Variants in CACNA2D4 observed in about 807,000 individuals in gnomAD.
The protein encoded by CACNA2D4 is calcium voltage-gated channel auxiliary subunit alpha2delta 4.
A neutral mutation model predicts 163.8 loss-of-function variants in CACNA2D4; 157 were observed. That is an observed-to-expected ratio of 0.96 (90% CI 0.84 to 1.09). The LOEUF (loss-of-function observed/expected upper bound fraction) is 1.09, where lower values mean the gene tolerates loss of function less well. Among genes scored for constraint, CACNA2D4 ranks in the 50% least tolerant of loss-of-function variants. The pLI is 0.00. For missense variants in CACNA2D4, 1,410 were observed against 1,479.9 expected, an observed-to-expected ratio of 0.95 and a Z score of 0.78; for synonymous variants, 598 against 586.9, an observed-to-expected ratio of 1.02 and a Z score of -0.27.
chr12:1,840,058 A>G (rs977008758), intron 26 of CACNA2D4, among the ~76,000 whole-genome samples: 6 of 152,214 alleles, frequency 3.9e-5, no homozygotes, highest in African/African-American at 1.4e-4. Flanking sequence ...TGTTTAGGCA[A>G]ATCAGTAGGC....
intron 18 of CACNA2D4, among the ~76,000 whole-genome samples, chr12:1,865,602 G>A (rs1865632738): frequency 6.6e-6 from 1 of 152,246 alleles, no homozygotes; most frequent in African/African-American, 2.4e-5. Context: ...TACGCAGGCT[G>A]TCCCGTTGCC....
intron 34 of CACNA2D4, 121 bp from the exon 35 acceptor site, chr12:1,797,656 A>T: frequency 1.5e-5 from 10 of 645,616 alleles, no homozygotes; most frequent in African/African-American, 3.7e-5. Flanking sequence ...CTCCTCAGGC[A>T]GTTCTCAGGA....
In CACNA2D4 at chr12:1,828,636, G is replaced by C. The variant is rs117625848; in HGVS notation, c.2551+12103C>G. ...TGCTCCCGTGGGGAACTGCCCCCTT[G>C]GCTGGCCTCGGCCAGGAGCTGGGTC... On this transcript the variant is annotated intron_variant, in intron 26 of 37. Transcript: ENST00000382722. This position sits in a 1 kb window ranked among gnomAD's most constrained non-coding sequence, Gnocchi z 4.2. Among the ~76,000 whole-genome samples the C allele has an allele frequency of 0.019, 2,892 of 152,304 alleles. 42 individuals carry two copies. The highest frequency in any genetic ancestry group is 0.03 in the Non-Finnish European group (2,022 of 68,016).
chr12:1,831,110 T>A (rs374285863), intron 26 of CACNA2D4: 68 of 1,613,848 alleles, frequency 4.2e-5, no homozygotes, highest in Admixed American at 1.7e-5. Context: ...ATAAGCTGAG[T>A]GCCCTGCCAA....
intron 24 of CACNA2D4, among the ~76,000 whole-genome samples, 158 bp downstream of exon 24, chr12:1,846,436 A>G (rs1865144539): frequency 2.0e-5 from 3 of 151,964 alleles, no homozygotes; most frequent in South Asian, 4.2e-4. Flanking sequence ...CACTGCCCCA[A>G]TCTGTCAATC....
intron 29 of CACNA2D4, among the ~76,000 whole-genome samples, chr12:1,808,990 G>A (rs918299742): frequency 3.9e-5 from 6 of 152,214 alleles, no homozygotes; most frequent in Admixed American, 3.3e-4. Context: ...GCAAAGCCCC[G>A]CCCACACTCC....
In CACNA2D4 at chr12:1,792,338, A is replaced by G. The variant is rs757248189; in HGVS notation, c.*1317T>C. 2 of 152,278 alleles carry G rather than the reference A, an allele frequency of 1.3e-5. No homozygotes were observed. The highest frequency in any genetic ancestry group is 2.9e-5 in the Non-Finnish European group (2 of 68,052). The allele number at this position is 152,278 out of a possible 1,614,324, so 9.4% of individuals were successfully genotyped here. ...GTAACCGATAATGTAAGTGTGTTTT[A>G]CAGAGTTGGCATTTGGCCTACTCTA... On this transcript the variant is annotated 3_prime_UTR_variant, in exon 38 of 38. Transcript: ENST00000382722.
chr12:1,887,521 A>G (rs1223378157), intron 6 of CACNA2D4, among the ~76,000 whole-genome samples: 3 of 152,234 alleles, frequency 2.0e-5, no homozygotes, highest in Non-Finnish European at 4.4e-5. Context: ...GATGGGAGAA[A>G]TGATTTGGCT....
At position 1,844,096 on chromosome 12, in the gene CACNA2D4, T is replaced by C. The variant is rs572559627; in HGVS notation, c.2470+306A>G. ...ATAGAAGAATCTTAGAGATGGACTC[T>C]TCTGATCTCATATTTGGAATTGGGG... On this transcript the variant is annotated intron_variant, in intron 25 of 37. Transcript: ENST00000382722. The surrounding 1 kb of genome is among the most constrained non-coding windows in gnomAD (Gnocchi z 4.2). 6.6e-6 allele frequency among the ~76,000 whole-genome samples: 1 copy of C among 152,336 alleles called. No homozygotes were observed. The highest frequency in any genetic ancestry group is 2.1e-4 in the South Asian group (1 of 4,826).
chr12:1,822,139 G>C (rs1340581472), intron 26 of CACNA2D4: 1 of 152,216 alleles, frequency 6.6e-6, no homozygotes, highest in African/African-American at 2.4e-5. Context: ...CCCGCGGGGA[G>C]GGGTAAGGAG....
chr12:1,879,969 C>A, intron 13 of CACNA2D4, 88 bp from the exon 14 acceptor site: 1 of 747,418 alleles, frequency 1.3e-6, no homozygotes, highest in South Asian at 1.7e-5. Flanking sequence ...GGAGAACCCA[C>A]AGTCACCACA....
intron 29 of CACNA2D4, among the ~76,000 whole-genome samples, chr12:1,805,199 C>T (rs950580822): frequency 6.6e-6 from 1 of 152,118 alleles, no homozygotes; most frequent in Non-Finnish European, 1.5e-5. Flanking sequence ...GCCTGGCCTT[C>T]GAGTCTGGAG....
At chr12:1,877,355 G>A (rs932509578) in intron 16 of CACNA2D4, among the ~76,000 whole-genome samples, 16 of 152,248 alleles carry the variant, frequency 1.1e-4, no homozygotes, top group East Asian at 3.9e-4. Context: ...GCTGTCCCCC[G>A]CAGAACCCCT....
intron 24 of CACNA2D4, among the ~76,000 whole-genome samples, chr12:1,845,661 C>G (rs1200264894): frequency 6.6e-6 from 1 of 152,178 alleles, no homozygotes; most frequent in Non-Finnish European, 1.5e-5. Context: ...TGCGAAGCGG[C>G]AGGTGGCACC....
In CACNA2D4 at chr12:1,806,149, C is replaced by T. The variant is rs1482652798; in HGVS notation, c.2721+4129G>A. On this transcript the variant is annotated intron_variant, in intron 29 of 37. Transcript: ENST00000382722. The surrounding 1 kb of genome is among the most constrained non-coding windows in gnomAD (Gnocchi z 4.1). ...TGCCCCTTGAAGATCCACTTTGAAG[C>T]TTCCATGGGTGGGTGCCGCCCAGAA... 1.3e-5 allele frequency among the ~76,000 whole-genome samples: 2 copies of T among 152,180 alleles called. No homozygotes were observed. The highest frequency in any genetic ancestry group is 1.9e-4 in the East Asian group (1 of 5,204).
chr12:1,885,639 A>C (rs1186776813), intron 9 of CACNA2D4, among the ~76,000 whole-genome samples: 1 of 152,214 alleles, frequency 6.6e-6, no homozygotes. Flanking sequence ...GAAGCTTCTC[A>C]TGAAAACTGA....
At chr12:1,817,490 G>A (rs984402983) in intron 26 of CACNA2D4, among the ~76,000 whole-genome samples, 1 of 151,958 alleles carries the variant, frequency 6.6e-6, no homozygotes. Flanking sequence ...CTCTCCCCAC[G>A]GTCTCCCTCT....
chr12:1,856,905 C>T (rs1400217090), intron 20 of CACNA2D4, among the ~76,000 whole-genome samples: 1 of 152,188 alleles, frequency 6.6e-6, no homozygotes, highest in East Asian at 1.9e-4. Flanking sequence ...TGGAGCCTCA[C>T]AAGGGCTGCT....
chr12:1,870,799 A>C (rs1027669925), intron 18 of CACNA2D4, among the ~76,000 whole-genome samples: 13 of 151,992 alleles, frequency 8.6e-5, no homozygotes, highest in African/African-American at 3.1e-4. Flanking sequence ...AGAAAGAGAG[A>C]GCGCGAGAGG....
Sources: gnomAD v4.1 joint callset for allele counts (sites outside exome capture counted in the v4.1 genomes callset) on GRCh38, gnomAD v4.1.1 for gene constraint, Gnocchi (gnomAD v3.1) non-coding constraint, MANE v1.5 for transcripts, NCBI Gene and HGNC (gene_info 2026-07-23, HGNC 2026-07-21) for gene names.